GFER: variants seen among roughly 807,000 people sequenced by gnomAD.
GFER encodes FAD-linked sulfhydryl oxidase ALR.
In GFER, 24 loss-of-function variants were observed where a neutral mutation model predicts 18.2. That is an observed-to-expected ratio of 1.32 (90% CI 0.96 to 1.86). GFER has a LOEUF of 1.86. Ranked by LOEUF, GFER falls within the 40% of genes most tolerant of loss-of-function variation. The pLI, the probability that GFER is intolerant of heterozygous loss-of-function variation, is 0.00. For synonymous variants in GFER, 138 were observed against 126.9 expected, an observed-to-expected ratio of 1.09 and a Z score of -0.59; for missense variants, 316 against 295.6, an observed-to-expected ratio of 1.07 and a Z score of -0.51.
rs61572004 is a variant in GFER, at chr16:1,985,613, G to C, written c.456-253G>C. Among the ~76,000 whole-genome samples, 6,528 of 152,290 alleles carry C rather than the reference G, an allele frequency of 0.043. 451 individuals are homozygous for C. The highest frequency in any genetic ancestry group is 0.15 in the African/African-American group (6,159 of 41,524). On this transcript the variant is annotated intron_variant, in intron 2 of 2. Transcript: ENST00000248114. Reference sequence around the variant, plus strand: ...AATTGCCAGGTCTGTGCTGTAATGTGTTGCCTTGAGGCCTCGTTGGAGTTT... The same window carrying C: ...AATTGCCAGGTCTGTGCTGTAATGTCTTGCCTTGAGGCCTCGTTGGAGTTT...
rs1489180578 is a variant in GFER at position 1,984,227 on chromosome 16, G to A, written c.9G>A (p.Ala3=). Reference sequence around the variant, plus strand: ...GGCCTTGCGCGGGCAACATGGCGGCGCCCGGCGAGCGGGGCCGCTTCCACG... The same window carrying A: ...GGCCTTGCGCGGGCAACATGGCGGCACCCGGCGAGCGGGGCCGCTTCCACG... MA[A]PGERGRFHGG... Residue 3 remains alanine (A), a synonymous_variant, in exon 1 of 3, where the codon GCG becomes GCA. Transcript: ENST00000248114. 8.8e-6 allele frequency: 13 copies of A among 1,473,634 alleles called. No homozygotes were observed. Among genetic ancestry groups the A allele is most frequent in the Non-Finnish European group, 1.1e-5 (12 of 1,118,944 alleles). 91.3% of individuals were successfully genotyped at this position (1,473,634 alleles called of 1,614,324 possible). A position where few individuals can be genotyped will look rare whatever the true frequency, so the allele number is the denominator to read the frequency against.
At chr16:1,984,971 T>C in intron 2 of GFER, 28 bp downstream of exon 2, 2 of 1,549,992 alleles carry the variant, frequency 1.3e-6, no homozygotes, top group Non-Finnish European at 1.8e-6. Flanking sequence ...GCAGCAGAGC[T>C]TTGCACTGGA....
At position 1,984,364 on chromosome 16, in the gene GFER, C is replaced by A. The variant is rs891592950; in HGVS notation, c.146C>A (p.Ser49Ter). 4 of 1,523,352 alleles carry A rather than the reference C, an allele frequency of 2.6e-6. No homozygotes were observed. Among genetic ancestry groups the A allele is most frequent in the Non-Finnish European group, 2.6e-6 (3 of 1,140,156 alleles). The allele number at this position is 1,523,352 out of a possible 1,614,324, so 94.4% of individuals were successfully genotyped here. Residue 49 changes from serine (S) to a stop codon, truncating the protein, a stop_gained, in exon 1 of 3, where the codon TCG becomes TAG. Coordinates refer to ENST00000248114, the MANE Select transcript of GFER (RefSeq NM_005262.3). LOFTEE classifies it high-confidence loss of function. Reference protein sequence around the residue: ...AGRRDAAASASTPAQAPTSDS... With the variant: ...AGRRDAAASA The stretch of plus-strand genomic sequence containing the variant: ...CGGAGAGACGCGGCCGCCTCGGCCT[C>A]GACGCCAGCCCAGGCGCCGACCTCC...
Position 1,986,223 on chromosome 16 carries a change from G to A in GFER, c.*195G>A. 1.6e-6 allele frequency: 1 copy of A among 643,342 alleles called. No individual in the cohort carries two copies. Among genetic ancestry groups the A allele is most frequent in the East Asian group, 2.8e-5 (1 of 35,294 alleles). 39.9% of individuals were successfully genotyped at this position (643,342 alleles called of 1,614,324 possible). A position where few individuals can be genotyped will look rare whatever the true frequency, so the allele number is the denominator to read the frequency against. ...GAGGTGCCCACAGCAGGTACCCACT[G>A]GCCCCCTCCTCAGTGGAGACCCCAA... On this transcript the variant is annotated 3_prime_UTR_variant, in exon 3 of 3. Coordinates refer to ENST00000248114, the MANE Select transcript of GFER (RefSeq NM_005262.3).
rs1286026673 is a variant in GFER, at chr16:1,984,767, G to A, written c.279G>A (p.Glu93=). The change falls in exon 2 of 3, where the codon GAG becomes GAA. Residue 93 remains glutamate, a synonymous_variant. Transcript: ENST00000248114. The part of the protein sequence containing the change: ...TQQKRDTKFR[E]DCPPDREELG... ...CGCAGCGGGACACCAAGTTTAGGGA[G>A]GACTGCCCGCCGGATCGCGAGGAAC... 2 of 1,610,456 alleles carry A rather than the reference G, an allele frequency of 1.2e-6. No homozygotes were observed. The highest frequency in any genetic ancestry group is 2.2e-5 in the South Asian group (2 of 91,084).
rs11542302 is a variant in GFER at position 1,986,934 on chromosome 16, T to C, written c.*906T>C. On this transcript the variant is annotated 3_prime_UTR_variant, in exon 3 of 3. Transcript: ENST00000248114. ...CCAGCAAAGCCATGGCTTCTACCCC[T>C]AGTTCCCCTGACAGGAAGTTCTTGG... is the stretch of plus-strand genomic sequence containing the variant. 22,518 of 152,346 alleles carry C rather than the reference T, an allele frequency of 0.15. 2,107 individuals are homozygous for C. The highest frequency in any genetic ancestry group is 0.3 in the South Asian group (1,448 of 4,830). 9.4% of individuals were successfully genotyped at this position (152,346 alleles called of 1,614,324 possible). A position where few individuals can be genotyped will look rare whatever the true frequency, so the allele number is the denominator to read the frequency against.
At chr16:1,984,596 C>T in intron 1 of GFER, 120 bp downstream of exon 1, 2 of 1,387,100 alleles carry the variant, frequency 1.4e-6, no homozygotes, top group Admixed American at 3.7e-5. Context: ...CCGGGTAGGC[C>T]CGGCCTTACA....
In GFER at chr16:1,984,482, G is replaced by A. The variant is rs776371765; in HGVS notation, c.258+6G>A. ...GGATGCGGACGCAGCAGAAGGTGCA[G>A]TTCCCTGCCCGATTTCTCCCAGCCC... On this transcript the variant is annotated splice_donor_region_variant and intron_variant, in intron 1 of 2. Coordinates refer to ENST00000248114, the MANE Select transcript of GFER (RefSeq NM_005262.3). 7 of 1,557,606 alleles carry A rather than the reference G, an allele frequency of 4.5e-6. No individual in the cohort carries two copies. The highest frequency in any genetic ancestry group is 6.1e-6 in the Non-Finnish European group (7 of 1,155,930).
chr16:1,985,807 C>G, intron 2 of GFER, 59 bp from the exon 3 acceptor site: 4 of 1,454,068 alleles, frequency 2.8e-6, no homozygotes, highest in Non-Finnish European at 3.8e-6. Flanking sequence ...AGACAGGGAA[C>G]TGGCAGGGGC....
rs750234939 is a variant in GFER, at chr16:1,986,026, T to C, written c.616T>C (p.Ter206GlnextTer11). 2.3e-5 allele frequency: 37 copies of C among 1,612,380 alleles called. No individual in the cohort carries two copies. The highest frequency in any genetic ancestry group is 3.1e-5 in the Non-Finnish European group (36 of 1,179,944). Residue 206 changes from the stop codon to glutamine, a stop_lost, in exon 3 of 3, where the codon TAG (stop) becomes CAG (glutamine). Transcript: ENST00000248114. Reference sequence around the variant, plus strand: ...CGGCTGGAAGGATGGCTCCTGTGACTAGAGGGTGGTCAGCCAGAGCTCATG... The same window carrying C: ...CGGCTGGAAGGATGGCTCCTGTGACCAGAGGGTGGTCAGCCAGAGCTCATG... ...RDGWKDGSCD[*>Q]
rs1174062380 is a variant in GFER at position 1,984,546 on chromosome 16, G to T, written c.258+70G>T. The T allele has an allele frequency of 7.3e-6, 11 of 1,508,026 alleles. No individual in the cohort carries two copies. In the Admixed American group the frequency reaches 1.6e-4, roughly 21 times the overall value. 93.4% of individuals were successfully genotyped at this position (1,508,026 alleles called of 1,614,324 possible). On this transcript the variant is annotated intron_variant, in intron 1 of 2. Coordinates refer to ENST00000248114, the MANE Select transcript of GFER (RefSeq NM_005262.3). ...TCCCCGCCCCCGCCCAGGTACCCCG[G>T]CAGAGCTTCCCAGGGTTGCCTGTCC...
In GFER at chr16:1,987,507, GCAGC is replaced by G. The variant is rs1356194476; in HGVS notation, c.*1483_*1486del. ...ACAAATAAGAGAGGGGAGATGGGGG[GCAGC>G]CAGGAGAGGAGGTGTCCCTTCCTCG... On this transcript the variant is annotated 3_prime_UTR_variant, in exon 3 of 3. Transcript: ENST00000248114. 1.3e-5 allele frequency: 2 copies of G among 152,482 alleles called. No homozygotes were observed. The highest frequency in any genetic ancestry group is 4.8e-5 in the African/African-American group (2 of 41,426). 9.4% of individuals were successfully genotyped at this position (152,482 alleles called of 1,614,324 possible).
chr16:1,984,495 T>G lies in GFER; in HGVS notation c.258+19T>G. 6.4e-7 allele frequency: 1 copy of G among 1,554,490 alleles called. No homozygotes were observed. Among genetic ancestry groups the G allele is most frequent in the South Asian group, 1.2e-5 (1 of 84,976 alleles). On this transcript the variant is annotated intron_variant, in intron 1 of 2. Transcript: ENST00000248114. ...GCAGAAGGTGCAGTTCCCTGCCCGA[T>G]TTCTCCCAGCCCCGCGCAGCCCCTG...
rs1256055497 is a variant in GFER at position 1,984,259 on chromosome 16, A to G, written c.41A>G (p.Asn14Ser). Residue 14 changes from asparagine (N) to serine (S), a missense_variant, in exon 1 of 3, where the codon AAC becomes AGC. Asn to Ser is a conservative substitution (Grantham distance 46). Transcript: ENST00000248114. ...PGERGRFHGG[N>S]LFFLPGGARS... ...GAGCGGGGCCGCTTCCACGGCGGGAACCTCTTCTTCCTGCCGGGGGGCGCG... is the reference window on the plus strand; with the variant it reads ...GAGCGGGGCCGCTTCCACGGCGGGAGCCTCTTCTTCCTGCCGGGGGGCGCG... 2 of 1,478,576 alleles carry G rather than the reference A, an allele frequency of 1.4e-6. No homozygotes were observed. The highest frequency in any genetic ancestry group is 1.3e-5 in the South Asian group (1 of 77,906). 91.6% of individuals were successfully genotyped at this position (1,478,576 alleles called of 1,614,324 possible).
chr16:1,984,987 G>C, intron 2 of GFER, 44 bp downstream of exon 2: 1 of 1,437,154 alleles, frequency 7.0e-7, no homozygotes, highest in East Asian at 2.3e-5. Context: ...CTGGAGCCTG[G>C]GCCTGGGGCT....
Position 1,984,424 on chromosome 16 carries a change from G to C in GFER, c.206G>C (p.Arg69Pro). The change falls in exon 1 of 3, where the codon CGG becomes CCG. Residue 69 changes from arginine to proline, a missense_variant. Arg to Pro is a moderately radical substitution (Grantham distance 103). Transcript: ENST00000248114. ...SPVAEDASRR[R>P]PCRACVDFKT... ...GTCGCCGAGGACGCCTCCCGGAGGCGGCCGTGCCGGGCCTGCGTCGACTTC... is the reference window on the plus strand; with the variant it reads ...GTCGCCGAGGACGCCTCCCGGAGGCCGCCGTGCCGGGCCTGCGTCGACTTC... The C allele has an allele frequency of 7.1e-6, 11 of 1,544,934 alleles. No individual in the cohort carries two copies. The highest frequency in any genetic ancestry group is 9.6e-6 in the Non-Finnish European group (11 of 1,149,044).
intron 2 of GFER, 126 bp downstream of exon 2, chr16:1,985,069 G>A (rs1046764757): frequency 5.2e-6 from 4 of 762,986 alleles, no homozygotes; most frequent in Admixed American, 2.0e-5. Context: ...GAGGAGCAGG[G>A]ACCTCCAACA....
chr16:1,984,660 T>C lies in GFER; in HGVS notation c.259-87T>C, dbSNP rs2075812. The C allele has an allele frequency of 0.41, 576,992 of 1,398,674 alleles. 120,393 individuals carry two copies. The highest frequency in any genetic ancestry group is 0.5 in the African/African-American group (35,180 of 70,980). 86.6% of individuals were successfully genotyped at this position (1,398,674 alleles called of 1,614,324 possible). A position where few individuals can be genotyped will look rare whatever the true frequency, so the allele number is the denominator to read the frequency against. ...CTGCAGGACTTTGGCCGGAGTCCAG[T>C]GGGCCACCGGCTGGGCCGTACAGTG... On this transcript the variant is annotated intron_variant, in intron 1 of 2. Coordinates refer to ENST00000248114, the MANE Select transcript of GFER (RefSeq NM_005262.3).
At chr16:1,985,222 C>T (rs2083558266) in intron 2 of GFER, among the ~76,000 whole-genome samples, 1 of 152,240 alleles carries the variant, frequency 6.6e-6, no homozygotes, top group African/African-American at 2.4e-5. Flanking sequence ...AAGGCGGTTT[C>T]CCGCAAGTTA....
Sources: gnomAD v4.1 joint callset for allele counts (sites outside exome capture counted in the v4.1 genomes callset) on GRCh38, gnomAD v4.1.1 for gene constraint, MANE v1.5 for transcripts, NCBI Gene and HGNC (gene_info 2026-07-23, HGNC 2026-07-21) for gene names.